The following PRTG variants were observed in gnomAD, a reference collection of about 807,000 sequenced individuals.
PRTG encodes immunoglobulin superfamily, DCC subclass, member 5.
A neutral mutation model predicts 122.5 loss-of-function variants in PRTG; 67 were observed. The observed-to-expected ratio is 0.55, with a 90% CI of 0.45 to 0.67. The LOEUF is 0.67. Among genes scored for constraint, PRTG ranks in the 30% least tolerant of loss-of-function variants. The pLI is 0.00. For synonymous variants in PRTG, 554 were observed against 501.1 expected, an observed-to-expected ratio of 1.11 and a Z score of -1.41; for missense variants, 1,435 against 1,415.4, an observed-to-expected ratio of 1.01 and a Z score of -0.22.
chr15:55,728,205 T>C (rs2031106059), intron 2 of PRTG, among the ~76,000 whole-genome samples: 1 of 152,176 alleles, frequency 6.6e-6, no homozygotes, highest in Non-Finnish European at 1.5e-5. Context: ...CCAATTCTTC[T>C]CAAAATCTTC....
At chr15:55,716,425 C>T (rs568153041) in intron 2 of PRTG, among the ~76,000 whole-genome samples, 3 of 152,310 alleles carry the variant, frequency 2.0e-5, no homozygotes, top group African/African-American at 7.2e-5. Flanking sequence ...CCTTACCTCC[C>T]TAATCCATGT....
intron 2 of PRTG, 33 bp downstream of exon 2, chr15:55,740,349 A>C: frequency 6.5e-7 from 1 of 1,539,626 alleles, no homozygotes; most frequent in Non-Finnish European, 8.8e-7. Flanking sequence ...GTAGCAATGA[A>C]AAATGTCAAC....
chr15:55,669,214 A>C (rs1478845419), intron 11 of PRTG, among the ~76,000 whole-genome samples: 1 of 152,218 alleles, frequency 6.6e-6, no homozygotes, highest in Non-Finnish European at 1.5e-5. Flanking sequence ...GATTAGTATG[A>C]AAATGAAATT....
Position 55,618,444 on chromosome 15 carries a change from A to C in PRTG, c.*1568T>G, listed in dbSNP as rs1041310756. On this transcript the variant is annotated 3_prime_UTR_variant, in exon 20 of 20. Transcript: ENST00000389286. Reference sequence around the variant, plus strand: ...AATTTGAAAAAATACTTTTAAAAGGATATGGGACCCCTTCTCTACACGCGT... The same window carrying C: ...AATTTGAAAAAATACTTTTAAAAGGCTATGGGACCCCTTCTCTACACGCGT... 2 of 152,066 alleles carry C rather than the reference A, an allele frequency of 1.3e-5. No homozygotes were observed. Among genetic ancestry groups the C allele is most frequent in the Non-Finnish European group, 2.9e-5 (2 of 67,994 alleles). 9.4% of individuals were successfully genotyped at this position (152,066 alleles called of 1,614,324 possible).
chr15:55,696,253 C>A (rs1349535991), intron 2 of PRTG, among the ~76,000 whole-genome samples: 3 of 152,072 alleles, frequency 2.0e-5, no homozygotes, highest in African/African-American at 7.2e-5. Context: ...GAGAAGAGAT[C>A]CTGTTTCTTA....
chr15:55,650,645 G>C (rs1244412470), intron 11 of PRTG, among the ~76,000 whole-genome samples: 2 of 152,100 alleles, frequency 1.3e-5, no homozygotes, highest in African/African-American at 4.8e-5. Flanking sequence ...AAACGGAACT[G>C]TTGAGAGAAG....
intron 3 of PRTG, among the ~76,000 whole-genome samples, chr15:55,683,087 T>C (rs2059550016): frequency 6.6e-6 from 1 of 152,206 alleles, no homozygotes; most frequent in South Asian, 2.1e-4. Flanking sequence ...AGCATAGATT[T>C]AGTTAACTGG....
chr15:55,625,504 T>G (rs932968184), intron 17 of PRTG, among the ~76,000 whole-genome samples: 13 of 151,590 alleles, frequency 8.6e-5, no homozygotes, highest in Non-Finnish European at 1.8e-4. Context: ...CAGGGTGGAG[T>G]GCAGTGCTAC....
intron 11 of PRTG, among the ~76,000 whole-genome samples, chr15:55,645,341 G>A (rs1367188954): frequency 6.9e-6 from 1 of 145,038 alleles, no homozygotes; most frequent in African/African-American, 2.5e-5. Flanking sequence ...GGCTGAGGCA[G>A]GAGAATGGCG....
intron 4 of PRTG, among the ~76,000 whole-genome samples, chr15:55,682,056 G>C (rs1376018268): frequency 6.6e-6 from 1 of 152,174 alleles, no homozygotes; most frequent in African/African-American, 2.4e-5. Context: ...ATAGGTGAAT[G>C]AAAATAACAT....
chr15:55,665,550 CT>C (rs781741169), intron 11 of PRTG, among the ~76,000 whole-genome samples: 169 of 110,536 alleles, frequency 1.5e-3, no homozygotes, highest in Non-Finnish European at 1.9e-3. Flanking sequence ...AAAATTTTTT[CT>C]TTTTTTTTTT....
intron 2 of PRTG, among the ~76,000 whole-genome samples, chr15:55,738,002 C>CTT (rs1248440584): frequency 6.2e-5 from 6 of 96,680 alleles, no homozygotes; most frequent in Non-Finnish European, 1.2e-4. Flanking sequence ...CTCTCTCTCT[C>CTT]TATATATATA....
intron 11 of PRTG, among the ~76,000 whole-genome samples, chr15:55,653,379 G>C (rs550520874): frequency 6.6e-6 from 1 of 151,844 alleles, no homozygotes; most frequent in Non-Finnish European, 1.5e-5. Context: ...ACTGAGTTTA[G>C]AATAATTTAG....
chr15:55,689,760 T>C (rs2059590296), intron 2 of PRTG, among the ~76,000 whole-genome samples: 1 of 152,054 alleles, frequency 6.6e-6, no homozygotes, highest in Non-Finnish European at 1.5e-5. Context: ...ACCCCGTCTC[T>C]ACTAAAAATA....
chr15:55,670,956 TTG>T (rs1161659333), intron 11 of PRTG, among the ~76,000 whole-genome samples: 2 of 140,434 alleles, frequency 1.4e-5, no homozygotes, highest in African/African-American at 5.5e-5. Flanking sequence ...CACACACACT[TTG>T]TGTGTGCACA....
At chr15:55,668,470 C>T (rs1034051334) in intron 11 of PRTG, among the ~76,000 whole-genome samples, 3 of 152,136 alleles carry the variant, frequency 2.0e-5, no homozygotes, top group African/African-American at 7.2e-5. Flanking sequence ...AAGTATGTTA[C>T]TAATTTTGCT....
At position 55,679,323 on chromosome 15, in the gene PRTG, T is replaced by C. The variant is rs1208453624; in HGVS notation, c.1096A>G (p.Lys366Glu). 1 of 1,613,088 alleles carries C rather than the reference T, an allele frequency of 6.2e-7. No individual in the cohort carries two copies. Among genetic ancestry groups the C allele is most frequent in the Non-Finnish European group, 8.5e-7 (1 of 1,179,232 alleles). The change falls in exon 7 of 20, where the codon AAG becomes GAG. Residue 366 changes from lysine (K) to glutamate (E), a missense_variant. Transcript: ENST00000389286. The part of the protein sequence containing the change: ...PKMSWLKNGR[K>E]IHSNGRIKMY... ...TTAATTCTACCATTCGAATGTATCTTCCTTCCATTTTTCAACCATGACATC... is the reference window on the plus strand; with the variant it reads ...TTAATTCTACCATTCGAATGTATCTCCCTTCCATTTTTCAACCATGACATC...
chr15:55,669,681 C>T (rs777113555), intron 11 of PRTG, among the ~76,000 whole-genome samples: 4 of 152,180 alleles, frequency 2.6e-5, no homozygotes, highest in Admixed American at 6.5e-5. Flanking sequence ...GTGATCCAGT[C>T]AACAGCTGCA....
intron 2 of PRTG, among the ~76,000 whole-genome samples, chr15:55,719,492 A>G (rs1241342931): frequency 6.6e-6 from 1 of 152,220 alleles, no homozygotes; most frequent in Non-Finnish European, 1.5e-5. Flanking sequence ...TGAATGTTAA[A>G]GAACATGTGC....
Sources: gnomAD v4.1 joint callset for allele counts (sites outside exome capture counted in the v4.1 genomes callset) on GRCh38, gnomAD v4.1.1 for gene constraint, MANE v1.5 for transcripts, NCBI Gene and HGNC (gene_info 2026-07-23, HGNC 2026-07-21) for gene names.